The following HECW2 variants were observed in gnomAD, a reference collection of about 807,000 sequenced individuals.
The protein encoded by HECW2 is E3 ubiquitin-protein ligase HECW2.
In HECW2, 61 loss-of-function variants were observed where a neutral mutation model predicts 175.2. The ratio of observed to expected loss-of-function variants is 0.35; its 90% confidence interval spans 0.28 to 0.43. HECW2 has a LOEUF of 0.43. Ranked by LOEUF, HECW2 falls within the 20% of genes least tolerant of loss-of-function variation. HECW2 has a pLI of 1.00. For synonymous variants in HECW2, 671 were observed against 731.0 expected (o/e 0.92, Z 1.32); for missense variants, 1,524 against 2,000.5 (o/e 0.76, Z 4.54).
At chr2:196,531,010 C>T (rs527792089) in intron 1 of HECW2, among the ~76,000 whole-genome samples, 1 of 152,316 alleles carries the variant, frequency 6.6e-6, no homozygotes, top group African/African-American at 2.4e-5. Context: ...CTCACTTCCT[C>T]CGCAATATTA....
At chr2:196,205,217 G>A (rs1249940349) in intron 28 of HECW2, among the ~76,000 whole-genome samples, 9 of 152,176 alleles carry the variant, frequency 5.9e-5, no homozygotes, top group African/African-American at 2.2e-4. Context: ...GGGGGAAACT[G>A]TGTGGAAAGA....
chr2:196,357,490 A>G (rs888851480), intron 2 of HECW2, among the ~76,000 whole-genome samples: 1 of 152,242 alleles, frequency 6.6e-6, no homozygotes, highest in African/African-American at 2.4e-5. Flanking sequence ...CAGTCAAAAT[A>G]TAAAGCTCTG....
At chr2:196,422,145 G>C (rs1181810377) in intron 2 of HECW2, among the ~76,000 whole-genome samples, 1 of 152,110 alleles carries the variant, frequency 6.6e-6, no homozygotes, top group East Asian at 1.9e-4. Flanking sequence ...CAAAGTATGA[G>C]ACTTTCTAAC....
At chr2:196,521,979 G>A (rs979518367) in intron 1 of HECW2, among the ~76,000 whole-genome samples, 25 of 152,094 alleles carry the variant, frequency 1.6e-4, no homozygotes, top group African/African-American at 5.3e-4. Flanking sequence ...ATGATTTATA[G>A]TCCTTTGGGT....
Position 196,198,994 on chromosome 2 carries a change from T to C in HECW2, c.*2283A>G, listed in dbSNP as rs2105746004. 6.6e-6 allele frequency: 1 copy of C among 152,290 alleles called. No homozygotes were observed. Among genetic ancestry groups the C allele is most frequent in the South Asian group, 2.1e-4 (1 of 4,830 alleles). 9.4% of individuals were successfully genotyped at this position (152,290 alleles called of 1,614,324 possible). A position where few individuals can be genotyped will look rare whatever the true frequency, so the allele number is the denominator to read the frequency against. On this transcript the variant is annotated 3_prime_UTR_variant, in exon 29 of 29. Transcript: ENST00000644978. ...TGCCTTAATAAAGAAATATATTTGT[T>C]AGAAATAATTAAAGAGATACATTTT...
chr2:196,583,583 C>T (rs766993353), intron 1 of HECW2, among the ~76,000 whole-genome samples: 3 of 152,144 alleles, frequency 2.0e-5, no homozygotes, highest in African/African-American at 4.8e-5. Flanking sequence ...AGAAGACTTA[C>T]GAAGGAAGAA....
rs559375945 is a variant in HECW2 at position 196,428,264 on chromosome 2, A to G, written c.292+4868T>C. Reference sequence around the variant, plus strand: ...TAGGAAACAGGCTTCTCAGGACACAACTGAAGGGGAGAGGCTGCTTCCTAC... The same window carrying G: ...TAGGAAACAGGCTTCTCAGGACACAGCTGAAGGGGAGAGGCTGCTTCCTAC... On this transcript the variant is annotated intron_variant, in intron 2 of 28. Transcript: ENST00000644978. Among the ~76,000 whole-genome samples the G allele has an allele frequency of 2.6e-5, 4 of 152,314 alleles. No individual in the cohort carries two copies. The South Asian group carries it at 8.3e-4, about 32-fold the overall frequency.
intron 1 of HECW2, among the ~76,000 whole-genome samples, chr2:196,480,401 T>C (rs1468864438): frequency 6.6e-6 from 1 of 152,184 alleles, no homozygotes; most frequent in Non-Finnish European, 1.5e-5. Flanking sequence ...TAGGGATCCC[T>C]TTCCCCCCAA....
chr2:196,332,888 A>G (rs948576764), intron 4 of HECW2, among the ~76,000 whole-genome samples: 1 of 152,160 alleles, frequency 6.6e-6, no homozygotes. Flanking sequence ...TGTGACCTTC[A>G]AAGTCTTATA....
intron 3 of HECW2, among the ~76,000 whole-genome samples, chr2:196,337,452 T>G (rs1311807366): frequency 6.6e-6 from 1 of 151,866 alleles, no homozygotes; most frequent in Non-Finnish European, 1.5e-5. Context: ...GCAGGAGAGA[T>G]GGAGGACATG....
chr2:196,327,292 C>T (rs1472723878), intron 5 of HECW2, among the ~76,000 whole-genome samples: 2 of 152,162 alleles, frequency 1.3e-5, no homozygotes, highest in African/African-American at 2.4e-5. Context: ...AATAAATCTT[C>T]CTTAATAAAT....
At chr2:196,356,131 G>A (rs1215057661) in intron 2 of HECW2, among the ~76,000 whole-genome samples, 2 of 152,208 alleles carry the variant, frequency 1.3e-5, no homozygotes, top group Non-Finnish European at 2.9e-5. Flanking sequence ...CTTCCGGACT[G>A]TAACAATAAC....
At chr2:196,473,862 C>T (rs191184197) in intron 1 of HECW2, among the ~76,000 whole-genome samples, 241 of 152,348 alleles carry the variant, frequency 1.6e-3, no homozygotes, top group Non-Finnish European at 2.1e-3. Flanking sequence ...CCAACTGCTT[C>T]CAGCTATTGA....
intron 1 of HECW2, among the ~76,000 whole-genome samples, chr2:196,563,508 G>T (rs374733080): frequency 6.6e-5 from 10 of 150,892 alleles, no homozygotes; most frequent in African/African-American, 2.5e-4. Context: ...GGAGGTTGTA[G>T]TGAGCCGAGA....
chr2:196,505,969 A>C (rs2125408780), intron 1 of HECW2, among the ~76,000 whole-genome samples: 1 of 152,284 alleles, frequency 6.6e-6, no homozygotes, highest in South Asian at 2.1e-4. Context: ...ATGAAGGAAG[A>C]TGAAGGTGAT....
At chr2:196,413,898 C>T (rs1053000738) in intron 2 of HECW2, among the ~76,000 whole-genome samples, 6 of 152,112 alleles carry the variant, frequency 3.9e-5, no homozygotes, top group African/African-American at 1.2e-4. Context: ...TATAGGAACG[C>T]GGAAGCTGTT....
chr2:196,242,378 T>G, intron 19 of HECW2, 174 bp from the exon 20 acceptor site: 1 of 701,080 alleles, frequency 1.4e-6, no homozygotes. Flanking sequence ...ACCAAGGTCT[T>G]AAGTGACGTC....
At chr2:196,503,462 G>A (rs775014525) in intron 1 of HECW2, among the ~76,000 whole-genome samples, 3 of 152,146 alleles carry the variant, frequency 2.0e-5, no homozygotes, top group Non-Finnish European at 4.4e-5. Context: ...TGTCAGTCAA[G>A]AGCCGCATTG....
At chr2:196,398,614 G>C (rs527708670) in intron 2 of HECW2, among the ~76,000 whole-genome samples, 1 of 152,086 alleles carries the variant, frequency 6.6e-6, no homozygotes, top group Admixed American at 6.5e-5. Context: ...TCTGGCTTTC[G>C]GTCCAAGGTG....
Sources: allele counts gnomAD v4.1 joint callset (sites outside exome capture counted in the v4.1 genomes callset), GRCh38; gene constraint gnomAD v4.1.1; transcripts MANE v1.5; gene names NCBI Gene and HGNC (gene_info 2026-07-23, HGNC 2026-07-21).